Variants in KCNK17 observed in about 807,000 individuals in gnomAD.
KCNK17 encodes potassium channel subfamily K member 17.
In KCNK17, 27 loss-of-function variants were observed where a neutral mutation model predicts 24.6. The ratio of observed to expected loss-of-function variants is 1.10; its 90% CI spans 0.81 to 1.51. KCNK17 has a LOEUF of 1.51. Among genes scored for constraint, KCNK17 ranks in the 40% most tolerant of loss-of-function variants. The pLI is 0.00. For missense variants in KCNK17, 450 were observed against 436.6 expected, an observed-to-expected ratio of 1.03 and a Z score of -0.27; for synonymous variants, 181 against 189.8, an observed-to-expected ratio of 0.95 and a Z score of 0.38.
At chr6:39,303,752 T>G (rs1761983712) in intron 4 of KCNK17, among the ~76,000 whole-genome samples, 1 of 152,170 alleles carries the variant, frequency 6.6e-6, no homozygotes. Flanking sequence ...GCGGACGTGT[T>G]GGACCTCTCC....
chr6:39,300,470 C>A, intron 4 of KCNK17: 1 of 1,550,172 alleles, frequency 6.5e-7, no homozygotes, highest in South Asian at 1.2e-5. Context: ...GATGTCCGCT[C>A]TAGTGTTTGC....
At chr6:39,310,870 C>A in intron 2 of KCNK17, 23 bp downstream of exon 2, 7 of 1,433,468 alleles carry the variant, frequency 4.9e-6, no homozygotes, top group South Asian at 1.2e-5. Context: ...ACCCCCATCC[C>A]CCTGGCCCCA....
chr6:39,304,165 G>A lies in KCNK17; in HGVS notation c.514-34C>T, dbSNP rs766195679. 7 of 1,593,810 alleles carry A rather than the reference G, an allele frequency of 4.4e-6. No homozygotes were observed. The Admixed American group carries it at 8.5e-5, about 19-fold the overall frequency. ...GCAACATTGTCCCCAGGCCTCCTGAGGCCTTCACCCCATGCGTGGGAGCCG... is the reference window on the plus strand; with the variant it reads ...GCAACATTGTCCCCAGGCCTCCTGAAGCCTTCACCCCATGCGTGGGAGCCG... On this transcript the variant is annotated intron_variant, in intron 3 of 4. Transcript: ENST00000373231.
At chr6:39,304,194 G>T in intron 3 of KCNK17, 63 bp from the exon 4 acceptor site, 1 of 1,515,116 alleles carries the variant, frequency 6.6e-7, no homozygotes, top group South Asian at 1.2e-5. Context: ...GGAGCCGAGG[G>T]AGCTGGAGGC....
chr6:39,311,090 AC>A, intron 1 of KCNK17, 83 bp from the exon 2 acceptor site: 1 of 418,296 alleles, frequency 2.4e-6, no homozygotes, highest in East Asian at 3.3e-5. Flanking sequence ...ACACACACAC[AC>A]ACACACACAC....
chr6:39,302,760 A>G (rs1761967742), intron 4 of KCNK17, among the ~76,000 whole-genome samples: 2 of 152,184 alleles, frequency 1.3e-5, no homozygotes, highest in African/African-American at 4.8e-5. Flanking sequence ...AAAGGTGGGA[A>G]CATGACCCAG....
chr6:39,303,400 C>G (rs904028687), intron 4 of KCNK17, among the ~76,000 whole-genome samples: 1 of 152,222 alleles, frequency 6.6e-6, no homozygotes, highest in Non-Finnish European at 1.5e-5. Context: ...TTATGCAAGG[C>G]TGGTGGCTTC....
chr6:39,303,880 G>A (rs7451024), intron 4 of KCNK17, 77 bp downstream of exon 4: 209,826 of 1,484,078 alleles, frequency 0.14, 16,036 homozygotes, highest in Admixed American at 0.25. Context: ...CAGCAGGTGC[G>A]CCAGCTGCGG....
rs780584012 is a variant in KCNK17, at chr6:39,299,398, G to A, written c.*29C>T. Reference sequence around the variant, plus strand: ...GCTTAAAATCAGGGGTCTTGCTACCGAGGACGACGACCAAAGAATGGAGTA... The same window carrying A: ...GCTTAAAATCAGGGGTCTTGCTACCAAGGACGACGACCAAAGAATGGAGTA... On this transcript the variant is annotated 3_prime_UTR_variant, in exon 5 of 5. Coordinates refer to ENST00000373231, the MANE Select transcript of KCNK17 (RefSeq NM_031460.4). The A allele has an allele frequency of 1.7e-5, 26 of 1,563,918 alleles. No homozygotes were observed. Among genetic ancestry groups the A allele is most frequent in the Non-Finnish European group, 2.0e-5 (23 of 1,142,134 alleles).
intron 1 of KCNK17, 112 bp from the exon 2 acceptor site, chr6:39,311,119 CAAACAAACCT>C (rs1762131538): frequency 5.7e-6 from 3 of 526,374 alleles, no homozygotes; most frequent in Non-Finnish European, 6.6e-6. Context: ...CACACACACA[CAAACAAACCT>C]ACACACACAG....
intron 1 of KCNK17, among the ~76,000 whole-genome samples, chr6:39,312,778 C>T (rs1478860505): frequency 6.6e-6 from 1 of 152,216 alleles, no homozygotes; most frequent in Admixed American, 6.5e-5. Context: ...AGTTCACCAC[C>T]TTTGCAAGGG....
intron 2 of KCNK17, among the ~76,000 whole-genome samples, chr6:39,305,519 A>G (rs536526111): frequency 6.6e-6 from 1 of 152,260 alleles, no homozygotes; most frequent in East Asian, 1.9e-4. Context: ...CTGATCCTCA[A>G]GATAGGGAGA....
In KCNK17 at chr6:39,306,762, CTTTGT is replaced by C. The variant is rs1422827934; in HGVS notation, c.353-2112_353-2108del. ...TGGGCAAGTGGCTCGATCTTTCTTT[CTTTGT>C]TTTTTTTTTTTTTTTTGTGACAGAG... On this transcript the variant is annotated intron_variant, in intron 2 of 4. Coordinates refer to ENST00000373231, the MANE Select transcript of KCNK17 (RefSeq NM_031460.4). 1.2e-3 allele frequency among the ~76,000 whole-genome samples: 162 copies of C among 137,764 alleles called. 1 individual carries two copies. Among genetic ancestry groups the C allele is most frequent in the African/African-American group, 4.3e-3 (146 of 34,234 alleles). The allele number at this position is 137,764 out of a possible 152,430, so 90.4% of individuals were successfully genotyped here.
intron 4 of KCNK17, chr6:39,300,565 ATATG>A: frequency 6.5e-7 from 1 of 1,542,414 alleles, no homozygotes; most frequent in Non-Finnish European, 8.8e-7. Flanking sequence ...AACCATAAGA[ATATG>A]TATCCTGACT....
At chr6:39,309,238 C>T (rs766471309) in intron 2 of KCNK17, among the ~76,000 whole-genome samples, 5 of 152,190 alleles carry the variant, frequency 3.3e-5, no homozygotes, top group South Asian at 2.1e-4. Context: ...GTAGGAGAAT[C>T]GCTTGAACCT....
intron 1 of KCNK17, among the ~76,000 whole-genome samples, chr6:39,311,223 T>C (rs1544049): frequency 0.7 from 106,688 of 151,968 alleles, 38,954 homozygotes; most frequent in African/African-American, 0.92. Context: ...GTACAGCTAC[T>C]GACAGCTACC....
At position 39,299,114 on chromosome 6, in the gene KCNK17, GTGCCGCTCAAACAT is replaced by G; in HGVS notation, c.*299_*312del. On this transcript the variant is annotated 3_prime_UTR_variant, in exon 5 of 5. Transcript: ENST00000373231. ...AGATCCAGACTCTTCCTATCTTATT[GTGCCGCTCAAACAT>G]TGCCGCTACTTCATGGTGCCGTATG... is the stretch of plus-strand genomic sequence containing the variant. The G allele has an allele frequency of 5.4e-6, 2 of 368,036 alleles. No individual in the cohort carries two copies. Among genetic ancestry groups the G allele is most frequent in the South Asian group, 7.7e-5 (2 of 26,120 alleles). 22.8% of individuals were successfully genotyped at this position (368,036 alleles called of 1,614,324 possible).
At chr6:39,310,329 C>T (rs1249110325) in intron 2 of KCNK17, among the ~76,000 whole-genome samples, 3 of 151,772 alleles carry the variant, frequency 2.0e-5, no homozygotes, top group Non-Finnish European at 4.4e-5. Context: ...GGGAGGATGG[C>T]GATGAGGAGT....
chr6:39,300,886 C>T (rs1179170157), intron 4 of KCNK17, among the ~76,000 whole-genome samples: 1 of 152,336 alleles, frequency 6.6e-6, no homozygotes. Context: ...TCCCTACAGA[C>T]CACGTTGGGT....
Sources: gnomAD v4.1 joint callset for allele counts (sites outside exome capture counted in the v4.1 genomes callset) on GRCh38, gnomAD v4.1.1 for gene constraint, MANE v1.5 for transcripts, NCBI Gene and HGNC (gene_info 2026-07-23, HGNC 2026-07-21) for gene names.